Variants in ATRNL1 observed in about 807,000 individuals in gnomAD.
ATRNL1 encodes the protein attractin-like protein 1.
A neutral mutation model predicts 182.7 loss-of-function variants in ATRNL1; 95 were observed. The ratio of observed to expected loss-of-function variants is 0.52; its 90% CI spans 0.44 to 0.62. ATRNL1 has a LOEUF of 0.62. ATRNL1 is among the 20% of genes least tolerant of loss of function. The pLI is 0.00. For missense variants in ATRNL1, 1,471 were observed against 1,679.5 expected (o/e 0.88, Z 2.17); for synonymous variants, 576 against 568.3 (o/e 1.01, Z -0.19).
At chr10:115,153,509 A>G (rs1369738114) in intron 5 of ATRNL1, among the ~76,000 whole-genome samples, 1 of 152,136 alleles carries the variant, frequency 6.6e-6, no homozygotes, top group Non-Finnish European at 1.5e-5. Context: ...AGAGATGTTT[A>G]TAGTATTTTC....
Position 115,727,455 on chromosome 10 carries a change from T to A in ATRNL1, c.3903+100T>A, listed in dbSNP as rs536817532. On this transcript the variant is annotated intron_variant, in intron 27 of 28. Coordinates refer to ENST00000355044, the MANE Select transcript of ATRNL1 (RefSeq NM_207303.4). ...CTTATGAAGCCAAACAGAGTCTGAT[T>A]ATCTACAGTTGACAAGATTCAGCTA... The A allele has an allele frequency of 5.2e-5, 45 of 859,554 alleles. No homozygotes were observed. The East Asian group carries it at 1.1e-3, about 20-fold the overall frequency. The allele number at this position is 859,554 out of a possible 1,614,324, so 53.2% of individuals were successfully genotyped here. A position where few individuals can be genotyped will look rare whatever the true frequency, so the allele number is the denominator to read the frequency against.
At chr10:115,781,939 T>C (rs1246219015) in intron 27 of ATRNL1, among the ~76,000 whole-genome samples, 1 of 152,202 alleles carries the variant, frequency 6.6e-6, no homozygotes, top group Non-Finnish European at 1.5e-5. Flanking sequence ...ACAATGTTTT[T>C]TATTCTGTTG....
chr10:115,741,202 G>A (rs904999952), intron 27 of ATRNL1, among the ~76,000 whole-genome samples: 50 of 152,094 alleles, frequency 3.3e-4, no homozygotes, highest in African/African-American at 1.2e-3. Context: ...TGTTATTAAT[G>A]CCAAAAGGAC....
At chr10:115,261,358 T>C (rs1298077406) in intron 10 of ATRNL1, among the ~76,000 whole-genome samples, 1 of 152,148 alleles carries the variant, frequency 6.6e-6, no homozygotes, top group Non-Finnish European at 1.5e-5. Context: ...TATTGAAGTA[T>C]GAGATTAAAT....
At chr10:115,118,349 C>G (rs1453569569) in intron 1 of ATRNL1, among the ~76,000 whole-genome samples, 1 of 152,022 alleles carries the variant, frequency 6.6e-6, no homozygotes, top group East Asian at 1.9e-4. Flanking sequence ...TGTTATTATG[C>G]TAGACATTTT....
At chr10:115,494,785 A>G (rs1164179246) in intron 24 of ATRNL1, among the ~76,000 whole-genome samples, 1 of 152,170 alleles carries the variant, frequency 6.6e-6, no homozygotes, top group Non-Finnish European at 1.5e-5. Flanking sequence ...CATCAAGGAT[A>G]TTAGCCTGAA....
At chr10:115,775,010 G>A (rs1949088069) in intron 27 of ATRNL1, among the ~76,000 whole-genome samples, 1 of 152,058 alleles carries the variant, frequency 6.6e-6, no homozygotes, top group Non-Finnish European at 1.5e-5. Flanking sequence ...GAATACCATT[G>A]AGGTTTTGAA....
At chr10:115,628,293 G>T (rs139581721) in intron 26 of ATRNL1, among the ~76,000 whole-genome samples, 168 of 152,188 alleles carry the variant, frequency 1.1e-3, no homozygotes, top group African/African-American at 4.0e-3. Flanking sequence ...ATGGGTGTGA[G>T]GGCGTATCTC....
chr10:115,892,338 A>G (rs1555111478), intron 28 of ATRNL1, among the ~76,000 whole-genome samples: 1 of 152,180 alleles, frequency 6.6e-6, no homozygotes, highest in African/African-American at 2.4e-5. Context: ...GGGGGGATTT[A>G]TAGTTTCCAA....
At chr10:115,744,047 T>G (rs893069297) in intron 27 of ATRNL1, among the ~76,000 whole-genome samples, 4 of 152,088 alleles carry the variant, frequency 2.6e-5, no homozygotes, top group Non-Finnish European at 5.9e-5. Context: ...ATAAATTTTT[T>G]GCTTATAACT....
rs149118080 is a variant in ATRNL1 at position 115,563,974 on chromosome 10, T to A, written c.3795+14438T>A. Among the ~76,000 whole-genome samples, 1,393 of 152,230 alleles carry A rather than the reference T, an allele frequency of 9.2e-3. 16 individuals are homozygous for A. The highest frequency in any genetic ancestry group is 0.031 in the African/African-American group (1,274 of 41,582). ...CATTAGATAAGTAATTCTGTTCTCC[T>A]CATGTCCAAGAATCACATCTGTACT... On this transcript the variant is annotated intron_variant, in intron 26 of 28. Transcript: ENST00000355044.
chr10:115,322,927 T>G (rs1854656433), intron 18 of ATRNL1, among the ~76,000 whole-genome samples: 1 of 152,234 alleles, frequency 6.6e-6, no homozygotes, highest in South Asian at 2.1e-4. Flanking sequence ...CCTTGTTGCT[T>G]TCATCATTTT....
intron 18 of ATRNL1, among the ~76,000 whole-genome samples, chr10:115,327,041 A>G (rs192332068): frequency 0.036 from 5,526 of 151,700 alleles, 145 homozygotes; most frequent in Non-Finnish European, 0.055. Flanking sequence ...CTTCATGTCT[A>G]AAACACCAAA....
Position 115,426,312 on chromosome 10 carries a change from T to C in ATRNL1, c.3322+10T>C, listed in dbSNP as rs374361066. 5 of 1,588,096 alleles carry C rather than the reference T, an allele frequency of 3.1e-6. No individual in the cohort carries two copies. The highest frequency in any genetic ancestry group is 1.7e-5 in the Admixed American group (1 of 59,034). On this transcript the variant is annotated intron_variant, in intron 21 of 28. Coordinates refer to ENST00000355044, the MANE Select transcript of ATRNL1 (RefSeq NM_207303.4). Reference sequence around the variant, plus strand: ...AGAGGAACATGTTATTGTAAGTATATGTGTATTCTTCATTTTAAATAATTG... The same window carrying C: ...AGAGGAACATGTTATTGTAAGTATACGTGTATTCTTCATTTTAAATAATTG...
intron 9 of ATRNL1, among the ~76,000 whole-genome samples, chr10:115,234,735 TG>T (rs1469261376): frequency 4.0e-5 from 6 of 151,754 alleles, no homozygotes; most frequent in Non-Finnish European, 1.5e-5. Flanking sequence ...GGACCCCAGA[TG>T]GGTGCCAGCA....
rs1851632247 is a variant in ATRNL1, at chr10:115,266,944, T to C, written c.1920T>C (p.Cys640=). 1 of 1,612,194 alleles carries C rather than the reference T, an allele frequency of 6.2e-7. No homozygotes were observed. The highest frequency in any genetic ancestry group is 8.5e-7 in the Non-Finnish European group (1 of 1,178,922). The change falls in exon 12 of 29, where the codon TGT becomes TGC. Residue 640 remains cysteine (C), a synonymous_variant. Transcript: ENST00000355044. ...GIKCVWNKNH[C]ESWESGNTNN... is the part of the protein sequence containing the mutation. ...AATGTGTTTGGAATAAAAATCACTGTGAATCTTGGGAATCTGGGAATACTA... is the reference window on the plus strand; with the variant it reads ...AATGTGTTTGGAATAAAAATCACTGCGAATCTTGGGAATCTGGGAATACTA...
At chr10:115,263,555 A>G (rs1197359671) in intron 10 of ATRNL1, among the ~76,000 whole-genome samples, 2 of 151,842 alleles carry the variant, frequency 1.3e-5, no homozygotes, top group East Asian at 3.8e-4. Flanking sequence ...AACATAGGGT[A>G]ATACCTGCTC....
At chr10:115,191,462 G>C (rs1848166608) in intron 8 of ATRNL1, among the ~76,000 whole-genome samples, 2 of 152,000 alleles carry the variant, frequency 1.3e-5, no homozygotes. Context: ...CTGATGATTA[G>C]TAAGTATTTT....
chr10:115,226,591 A>G (rs1212890130), intron 9 of ATRNL1, among the ~76,000 whole-genome samples: 3 of 151,980 alleles, frequency 2.0e-5, no homozygotes, highest in Non-Finnish European at 4.4e-5. Flanking sequence ...TAAAATTAAT[A>G]TATAACCAAA....
Sources: gnomAD v4.1 joint callset for allele counts (sites outside exome capture counted in the v4.1 genomes callset) on GRCh38, gnomAD v4.1.1 for gene constraint, MANE v1.5 for transcripts, NCBI Gene and HGNC (gene_info 2026-07-23, HGNC 2026-07-21) for gene names.